Variants in MCC observed in about 807,000 individuals in gnomAD.
The protein encoded by MCC is colorectal mutant cancer protein.
A neutral mutation model predicts 116.2 loss-of-function variants in MCC; 90 were observed. The observed-to-expected ratio is 0.77, with a 90% confidence interval of 0.65 to 0.92. The LOEUF (loss-of-function observed/expected upper bound fraction) is 0.92, where lower values mean the gene tolerates loss of function less well. Among genes scored for constraint, MCC ranks in the 40% least tolerant of loss-of-function variants. MCC has a pLI of 0.00. For synonymous variants in MCC, 578 were observed against 510.5 expected, an observed-to-expected ratio of 1.13 and a Z score of -1.78; for missense variants, 1,516 against 1,312.2, an observed-to-expected ratio of 1.16 and a Z score of -2.40.
At chr5:113,453,578 T>C (rs1391432034) in intron 1 of MCC, among the ~76,000 whole-genome samples, 2 of 152,126 alleles carry the variant, frequency 1.3e-5, no homozygotes, top group East Asian at 1.9e-4. Flanking sequence ...TGAAAGGTAT[T>C]TCACTGCTCT....
At chr5:113,459,125 G>A (rs1277913071) in intron 1 of MCC, among the ~76,000 whole-genome samples, 2 of 133,826 alleles carry the variant, frequency 1.5e-5, no homozygotes, top group African/African-American at 5.7e-5. Context: ...CTGGGGAGGA[G>A]TAAGGATATG....
chr5:113,372,501 T>TA (rs1180656572), intron 2 of MCC, among the ~76,000 whole-genome samples: 48 of 152,338 alleles, frequency 3.2e-4, no homozygotes, highest in African/African-American at 1.1e-3. Flanking sequence ...CTTAGAAGTT[T>TA]AAAAAATATA....
intron 1 of MCC, among the ~76,000 whole-genome samples, chr5:113,402,544 C>T (rs1382518347): frequency 1.3e-5 from 2 of 152,070 alleles, no homozygotes; most frequent in African/African-American, 4.8e-5. Context: ...ATCTTCCAAA[C>T]TACTTTAGTT....
chr5:113,035,465 G>C (rs1002321407), intron 17 of MCC, among the ~76,000 whole-genome samples: 1 of 152,198 alleles, frequency 6.6e-6, no homozygotes, highest in African/African-American at 2.4e-5. Flanking sequence ...TGACAGATCT[G>C]ATCATGTTAC....
intron 3 of MCC, among the ~76,000 whole-genome samples, chr5:113,163,460 C>A (rs574137581): frequency 6.6e-6 from 1 of 151,976 alleles, no homozygotes; most frequent in South Asian, 2.1e-4. Flanking sequence ...TTGTCCCCCA[C>A]AGATCACCTA....
intron 3 of MCC, among the ~76,000 whole-genome samples, chr5:113,191,832 G>C (rs920013840): frequency 2.0e-5 from 3 of 152,182 alleles, no homozygotes; most frequent in South Asian, 2.1e-4. Flanking sequence ...CTTGATTTAG[G>C]TGTAGTGTCA....
intron 12 of MCC, among the ~76,000 whole-genome samples, chr5:113,070,751 G>A (rs918202957): frequency 6.6e-6 from 1 of 152,086 alleles, no homozygotes; most frequent in Non-Finnish European, 1.5e-5. Flanking sequence ...ACAACAAAAT[G>A]AAGAACTAGA....
At chr5:113,062,739 G>C (rs992416531) in intron 14 of MCC, among the ~76,000 whole-genome samples, 3 of 152,208 alleles carry the variant, frequency 2.0e-5, no homozygotes, top group Non-Finnish European at 4.4e-5. Flanking sequence ...GAAGAATCAA[G>C]TCCCTTTTGT....
At position 113,237,012 on chromosome 5, in the gene MCC, A is replaced by C. The variant is rs530191693; in HGVS notation, c.628-85590T>G. 1.1e-3 allele frequency among the ~76,000 whole-genome samples: 169 copies of C among 152,362 alleles called. 1 individual carries two copies. The highest frequency in any genetic ancestry group is 3.8e-3 in the African/African-American group (159 of 41,592). ...CTCTGTCAAGTTGAAAAAATTGAGA[A>C]GGAAAGTGGCAACGGGGCTCCTGAT... is the stretch of plus-strand genomic sequence containing the variant. On this transcript the variant is annotated intron_variant, in intron 3 of 18. Coordinates refer to ENST00000408903, the MANE Select transcript of MCC (RefSeq NM_001085377.2).
At chr5:113,404,857 T>C (rs910469550) in intron 1 of MCC, among the ~76,000 whole-genome samples, 1 of 151,822 alleles carries the variant, frequency 6.6e-6, no homozygotes, top group Non-Finnish European at 1.5e-5. Flanking sequence ...TGTCATACAA[T>C]GATACATACA....
chr5:113,413,247 C>T (rs539017957), intron 1 of MCC, among the ~76,000 whole-genome samples: 20 of 152,276 alleles, frequency 1.3e-4, no homozygotes, highest in Admixed American at 6.5e-4. Flanking sequence ...TTGGTTGTGT[C>T]TCTGCCAGCC....
At chr5:113,463,545 G>T (rs1771806172) in intron 1 of MCC, among the ~76,000 whole-genome samples, 1 of 152,178 alleles carries the variant, frequency 6.6e-6, no homozygotes, top group Non-Finnish European at 1.5e-5. Flanking sequence ...GTTTGTTCTG[G>T]CTTCCCGTAA....
At chr5:113,247,485 G>A (rs1764621831) in intron 3 of MCC, among the ~76,000 whole-genome samples, 1 of 152,212 alleles carries the variant, frequency 6.6e-6, no homozygotes, top group South Asian at 2.1e-4. Context: ...CTATTTTCTA[G>A]ATAGTTACTA....
chr5:113,426,763 T>C (rs530346536), intron 1 of MCC, among the ~76,000 whole-genome samples: 13 of 152,312 alleles, frequency 8.5e-5, no homozygotes, highest in Admixed American at 8.5e-4. Context: ...AACACATGCC[T>C]AACCAATGGG....
At position 113,151,818 on chromosome 5, in the gene MCC, T is replaced by A. The variant is rs189359411; in HGVS notation, c.628-396A>T. Among the ~76,000 whole-genome samples the A allele has an allele frequency of 4.2e-3, 634 of 152,308 alleles. 1 individual carries two copies. Among genetic ancestry groups the A allele is most frequent in the Middle Eastern group, 0.024 (7 of 294 alleles). The stretch of plus-strand genomic sequence containing the variant: ...TATTAATTTTCACCTTCGGAAAATA[T>A]GAAAGCTGAATAGGGCAATTTGGAT... On this transcript the variant is annotated intron_variant, in intron 3 of 18. Transcript: ENST00000408903.
rs562842464 is a variant in MCC at position 113,390,158 on chromosome 5, T to A, written c.171-4946A>T. Among the ~76,000 whole-genome samples, 3 of 152,108 alleles carry A rather than the reference T, an allele frequency of 2.0e-5. No homozygotes were observed. The East Asian group carries it at 5.8e-4, about 29-fold the overall frequency. On this transcript the variant is annotated intron_variant, in intron 1 of 18. Coordinates refer to ENST00000408903, the MANE Select transcript of MCC (RefSeq NM_001085377.2). Reference sequence around the variant, plus strand: ...GAAAACACATATTCATTGTAGAAAATGTAGACAAGCAGAAAGAAAATACAG... The same window carrying A: ...GAAAACACATATTCATTGTAGAAAAAGTAGACAAGCAGAAAGAAAATACAG...
At chr5:113,442,224 G>A (rs1171100676) in intron 1 of MCC, among the ~76,000 whole-genome samples, 1 of 152,130 alleles carries the variant, frequency 6.6e-6, no homozygotes, top group African/African-American at 2.4e-5. Flanking sequence ...ACTCATTGTG[G>A]TTTTGATCTG....
chr5:113,219,749 C>T (rs553389402), intron 3 of MCC, among the ~76,000 whole-genome samples: 2 of 152,170 alleles, frequency 1.3e-5, no homozygotes, highest in South Asian at 2.1e-4. Context: ...ATTTCATGTC[C>T]CTCAACCACA....
chr5:113,035,562 T>C (rs948237625), intron 17 of MCC, among the ~76,000 whole-genome samples: 5 of 152,234 alleles, frequency 3.3e-5, no homozygotes, highest in African/African-American at 7.2e-5. Context: ...TGAGTGCTAC[T>C]TGCTGGGCCT....
Sources: allele counts gnomAD v4.1 joint callset (sites outside exome capture counted in the v4.1 genomes callset), GRCh38; gene constraint gnomAD v4.1.1; transcripts MANE v1.5; gene names NCBI Gene and HGNC (gene_info 2026-07-23, HGNC 2026-07-21).